The following ZNF527 variants were observed in gnomAD, a reference collection of about 807,000 sequenced individuals.
ZNF527 encodes zinc finger protein 527.
ZNF527 carries 5 observed loss-of-function variants against 13.5 expected under a neutral mutation model. The observed-to-expected ratio is 0.37, with a 90% CI of 0.19 to 0.78. ZNF527 has a LOEUF of 0.78. Among genes scored for constraint, ZNF527 ranks in the 30% least tolerant of loss-of-function variants. ZNF527 has a pLI of 0.48. For synonymous variants in ZNF527, 209 were observed against 243.1 expected (o/e 0.86, Z 1.30); for missense variants, 628 against 726.4 (o/e 0.86, Z 1.56).
At chr19:37,380,144 C>T (rs1259191141) in intron 3 of ZNF527, 133 bp from the exon 4 acceptor site, 1 of 1,431,298 alleles carries the variant, frequency 7.0e-7, no homozygotes, top group East Asian at 2.5e-5. Context: ...CATTCTCTAG[C>T]TCTTCCTCTA....
intron 4 of ZNF527, among the ~76,000 whole-genome samples, chr19:37,383,983 T>C (rs949850408): frequency 6.6e-6 from 1 of 152,218 alleles, no homozygotes; most frequent in Non-Finnish European, 1.5e-5. Flanking sequence ...CTTAATCCTA[T>C]ATATTGTCTT....
rs1050024983 is a variant in ZNF527, at chr19:37,386,140, C to CTTTT, written c.257-2147_257-2144dup. Among the ~76,000 whole-genome samples, 49 of 72,462 alleles carry CTTTT rather than the reference C, an allele frequency of 6.8e-4. 1 individual carries two copies. The highest frequency in any genetic ancestry group is 1.9e-3 in the African/African-American group (28 of 14,852). 47.5% of individuals were successfully genotyped at this position (72,462 alleles called of 152,430 possible). A position where few individuals can be genotyped will look rare whatever the true frequency, so the allele number is the denominator to read the frequency against. ...TAGAACTTTCTTTTCTCTTCTTTTC[C>CTTTT]TTTTTTTTTTTTTTTTTTTTTTGAG... On this transcript the variant is annotated intron_variant, in intron 4 of 4. Coordinates refer to ENST00000436120, the MANE Select transcript of ZNF527 (RefSeq NM_032453.2).
At chr19:37,379,671 C>G (rs996076730) in intron 3 of ZNF527, 3 of 155,102 alleles carry the variant, frequency 1.9e-5, no homozygotes, top group African/African-American at 7.2e-5. Flanking sequence ...CCATGTTGGC[C>G]AAGCTGGTCT....
At chr19:37,380,234 GTCTT>G in intron 3 of ZNF527, 39 bp from the exon 4 acceptor site, 1 of 1,610,204 alleles carries the variant, frequency 6.2e-7, no homozygotes, top group Admixed American at 1.7e-5. Context: ...TTGTCTGTAT[GTCTT>G]TCTGTCTCTT....
At chr19:37,379,381 T>A in intron 3 of ZNF527, 135 bp downstream of exon 3, 1 of 787,616 alleles carries the variant, frequency 1.3e-6, no homozygotes, top group Non-Finnish European at 1.9e-6. Flanking sequence ...TCCCAGGAAA[T>A]GATTTGAAAT....
chr19:37,385,323 TGAG>T (rs1427525246), intron 4 of ZNF527: 1 of 410,998 alleles, frequency 2.4e-6, no homozygotes, highest in African/African-American at 2.0e-5. Flanking sequence ...AGGATGGTAG[TGAG>T]GAGGTCATGC....
chr19:37,371,724 CTT>C (rs2040558361), intron 1 of ZNF527, among the ~76,000 whole-genome samples: 1 of 152,018 alleles, frequency 6.6e-6, no homozygotes, highest in Admixed American at 6.5e-5. Context: ...TGGTATGCTA[CTT>C]TGTGTGTGAT....
intron 2 of ZNF527, 64 bp from the exon 3 acceptor site, chr19:37,379,056 A>G (rs2040630346): frequency 6.2e-7 from 1 of 1,600,580 alleles, no homozygotes; most frequent in Non-Finnish European, 8.5e-7. Context: ...GGCCAAATTC[A>G]TCTTTTTTGC....
In ZNF527 at chr19:37,390,065, G is replaced by T; in HGVS notation, c.*186G>T. On this transcript the variant is annotated 3_prime_UTR_variant, in exon 5 of 5. Coordinates refer to ENST00000436120, the MANE Select transcript of ZNF527 (RefSeq NM_032453.2). ...TTTTTTTCAGACAGAGTCTCGCTCTGTTGCCCAGGCTGGAGTGCAGTGGTG... is the reference window on the plus strand; with the variant it reads ...TTTTTTTCAGACAGAGTCTCGCTCTTTTGCCCAGGCTGGAGTGCAGTGGTG... 1.5e-6 allele frequency: 1 copy of T among 666,248 alleles called. No homozygotes were observed. The highest frequency in any genetic ancestry group is 2.3e-6 in the Non-Finnish European group (1 of 436,750). 41.3% of individuals were successfully genotyped at this position (666,248 alleles called of 1,614,324 possible). A position where few individuals can be genotyped will look rare whatever the true frequency, so the allele number is the denominator to read the frequency against.
intron 4 of ZNF527, among the ~76,000 whole-genome samples, chr19:37,387,348 C>CT (rs1022480607): frequency 2.6e-5 from 4 of 152,206 alleles, no homozygotes; most frequent in African/African-American, 4.8e-5. Context: ...GTTTTGATCT[C>CT]TTTTTTCCTG....
rs751899001 is a variant in ZNF527 at position 37,389,050 on chromosome 19, A to T, written c.1001A>T (p.Glu334Val). The change falls in exon 5 of 5, where the codon GAA (glutamate) becomes GTA (valine). Residue 334 changes from glutamate to valine, a missense_variant. Physicochemically the swap from Glu to Val is moderately radical, Grantham distance 121. This residue lies in a region of ZNF527 where 592 missense variants were observed against 678.0 expected (regional missense o/e 0.87). Coordinates refer to ENST00000436120, the MANE Select transcript of ZNF527 (RefSeq NM_032453.2). The stretch of plus-strand genomic sequence containing the variant: ...GGGGAGAAACCTTATGAATGTAAGG[A>T]ATGTAACAAAGCTTTCAGACAGAGT... ...HIGEKPYECK[E>V]CNKAFRQSAH... is the part of the protein sequence containing the mutation. The T allele has an allele frequency of 6.2e-6, 10 of 1,614,234 alleles. No individual in the cohort carries two copies. Among genetic ancestry groups the T allele is most frequent in the South Asian group, 1.1e-5 (1 of 91,082 alleles).
intron 2 of ZNF527, among the ~76,000 whole-genome samples, chr19:37,376,710 A>G (rs551781945): frequency 1.0e-4 from 15 of 147,514 alleles, no homozygotes; most frequent in African/African-American, 3.7e-4. Context: ...AAAAAAAGGC[A>G]GGAAAAAGAG....
intron 2 of ZNF527, among the ~76,000 whole-genome samples, chr19:37,375,999 A>C (rs994558898): frequency 2.4e-4 from 36 of 152,202 alleles, no homozygotes; most frequent in African/African-American, 8.4e-4. Flanking sequence ...ACTTCATGGA[A>C]TGACTGGGAT....
At chr19:37,386,155 T>TTTTTTTTTC in intron 4 of ZNF527, among the ~76,000 whole-genome samples, 1 of 139,748 alleles carries the variant, frequency 7.2e-6, no homozygotes, top group Non-Finnish European at 1.5e-5. Flanking sequence ...TTTTTTTTTT[T>TTTTTTTTTC]TTTTTTTGAG....
At position 37,388,641 on chromosome 19, in the gene ZNF527, A is replaced by G. The variant is rs749647718; in HGVS notation, c.592A>G (p.Lys198Glu). 1.2e-6 allele frequency: 2 copies of G among 1,613,688 alleles called. No individual in the cohort carries two copies. Among genetic ancestry groups the G allele is most frequent in the Admixed American group, 3.3e-5 (2 of 59,954 alleles). ...QQVHKFDIYD[K>E]LFPQNSVIIE... is the part of the protein sequence containing the mutation. ...AGTACATAAATTTGATATTTATGAT[A>G]AACTCTTCCCCCAAAATTCAGTCAT... Residue 198 changes from lysine to glutamate, a missense_variant, in exon 5 of 5, where the codon AAA becomes GAA. Physicochemically the swap from Lys to Glu is moderately conservative, Grantham distance 56 (BLOSUM62 1). Coordinates refer to ENST00000436120, the MANE Select transcript of ZNF527 (RefSeq NM_032453.2).
intron 2 of ZNF527, among the ~76,000 whole-genome samples, chr19:37,376,682 CAAAAAAA>C (rs35179002): frequency 2.1e-5 from 1 of 48,538 alleles, no homozygotes; most frequent in East Asian, 5.1e-4. Context: ...ACTCCATCTC[CAAAAAAA>C]AAAAAAAAAA....
intron 1 of ZNF527, among the ~76,000 whole-genome samples, chr19:37,373,395 C>G (rs1169054667): frequency 6.6e-6 from 1 of 152,194 alleles, no homozygotes; most frequent in African/African-American, 2.4e-5. Context: ...CATGAGTTAA[C>G]ATTGTATATT....
intron 4 of ZNF527, among the ~76,000 whole-genome samples, chr19:37,383,513 C>T (rs899040878): frequency 5.3e-5 from 8 of 150,800 alleles, no homozygotes; most frequent in African/African-American, 7.3e-5. Flanking sequence ...TGGGATTATA[C>T]AGGTGTGAGC....
chr19:37,387,744 T>C (rs1389590573), intron 4 of ZNF527, among the ~76,000 whole-genome samples: 6 of 152,192 alleles, frequency 3.9e-5, no homozygotes, highest in Non-Finnish European at 7.3e-5. Flanking sequence ...TATATAAATT[T>C]TTCCTGGACC....
Sources: gnomAD v4.1 joint callset for allele counts (sites outside exome capture counted in the v4.1 genomes callset) on GRCh38, gnomAD v4.1.1 for gene constraint, gnomAD v4.1.1 regional missense constraint, MANE v1.5 for transcripts, NCBI Gene and HGNC (gene_info 2026-07-23, HGNC 2026-07-21) for gene names.